TPM1: variants seen among roughly 807,000 people sequenced by gnomAD.
The protein encoded by TPM1 is tropomyosin 1.
A neutral mutation model predicts 42.9 loss-of-function variants in TPM1; 24 were observed. The observed-to-expected ratio is 0.56, with a 90% CI of 0.41 to 0.79. The LOEUF (loss-of-function observed/expected upper bound fraction) is 0.79. Among genes scored for constraint, TPM1 ranks in the 30% least tolerant of loss-of-function variants. The pLI is 0.00. For synonymous variants in TPM1, 136 were observed against 130.1 expected (o/e 1.05, Z -0.31); for missense variants, 158 against 351.8 (o/e 0.45, Z 4.41).
chr15:63,070,662 G>A (rs79829181), downstream of TPM1: 115 of 1,001,998 alleles, frequency 1.1e-4, no homozygotes, highest in African/African-American at 1.9e-3. Flanking sequence ...CTTTGCTTTT[G>A]TGAGTTTGTG....
intron 2 of TPM1, among the ~76,000 whole-genome samples, chr15:63,050,713 A>G (rs1264017397): frequency 6.6e-6 from 1 of 152,248 alleles, no homozygotes; most frequent in East Asian, 1.9e-4. Context: ...CAACTTGAAG[A>G]CTGGATCAGA....
chr15:63,059,757 G>A, intron 4 of TPM1, 77 bp downstream of exon 4: 7 of 1,052,768 alleles, frequency 6.6e-6, no homozygotes, highest in Non-Finnish European at 8.8e-6. Context: ...GTACAGTCTT[G>A]ATTCCCGAGT....
intron 5 of TPM1, 130 bp downstream of exon 5, chr15:63,061,069 T>C: frequency 1.4e-6 from 2 of 1,467,346 alleles, no homozygotes; most frequent in South Asian, 2.3e-5. Context: ...TTGATGTGGA[T>C]GAGCCACGAG....
At chr15:63,062,738 AC>A (rs1566968227) in intron 8 of TPM1, 93 bp downstream of exon 8, 3 of 1,602,490 alleles carry the variant, frequency 1.9e-6, no homozygotes, top group African/African-American at 2.7e-5. Flanking sequence ...CCACATTGAT[AC>A]GCTCCTTTGC....
intron 2 of TPM1, chr15:63,044,425 T>C (rs1480563989): frequency 4.9e-6 from 3 of 607,814 alleles, no homozygotes; most frequent in Non-Finnish European, 8.7e-6. Context: ...GCAGCTGAAA[T>C]TGGACTCTGG....
At chr15:63,042,991 G>A (rs760106927) in intron 1 of TPM1, 48 bp downstream of exon 1, 4 of 1,507,494 alleles carry the variant, frequency 2.7e-6, no homozygotes, top group Non-Finnish European at 3.6e-6. Flanking sequence ...GCCGGGACTC[G>A]AGCCTGGCAC....
chr15:63,055,348 C>T (rs1026234643), intron 2 of TPM1, among the ~76,000 whole-genome samples: 1 of 152,214 alleles, frequency 6.6e-6, no homozygotes, highest in African/African-American at 2.4e-5. Context: ...AGATGCCCTA[C>T]TCACCTCTCT....
downstream of TPM1, among the ~76,000 whole-genome samples, chr15:63,067,165 C>G (rs912676216): frequency 6.6e-6 from 1 of 152,004 alleles, no homozygotes; most frequent in African/African-American, 2.4e-5. Flanking sequence ...CCCGAGAGGG[C>G]TGATATACCA....
Position 63,056,871 on chromosome 15 carries a change from C to G in TPM1, c.241-114C>G. The G allele has an allele frequency of 3.5e-6, 5 of 1,425,174 alleles. No homozygotes were observed. In the South Asian group the frequency reaches 5.8e-5, roughly 16 times the overall value. 88.3% of individuals were successfully genotyped at this position (1,425,174 alleles called of 1,614,324 possible). ...GGGCTTGTAATGCACTTAAAGGTAG[C>G]TCACCACAAGACAGTCTTCCTATCT... On this transcript the variant is annotated intron_variant, in intron 2 of 9. Coordinates refer to ENST00000403994, the MANE Select transcript of TPM1 (RefSeq NM_001018005.2).
chr15:63,057,117 AG>A lies in TPM1; in HGVS notation c.374+1del. ...TGAGAAGGCAGCAGATGAGAGTGAG[AG>A]GTGAGAATGCCTCATCAGCCATCTT... Reference protein sequence around the residue: ...EAEKAADESERGMKVIESRAQ... With the variant: ...EAEKAADESEXGMKVIESRAQ... On this transcript the variant is annotated frameshift_variant and splice_region_variant, in exon 3 of 10. Transcript: ENST00000403994. LOFTEE classifies it high-confidence loss of function. 6.2e-7 allele frequency: 1 copy of A among 1,614,122 alleles called. No individual in the cohort carries two copies. The highest frequency in any genetic ancestry group is 1.7e-5 in the Admixed American group (1 of 60,028).
chr15:63,070,212 TTGAAC>T, downstream of TPM1: 1 of 1,241,376 alleles, frequency 8.1e-7, no homozygotes, highest in Non-Finnish European at 1.0e-6. Flanking sequence ...GTCCTCTTGT[TTGAAC>T]TGATAAATAA....
At chr15:63,066,202 CT>C, downstream of TPM1, 1 of 1,386,020 alleles carries the variant, frequency 7.2e-7, no homozygotes, top group Non-Finnish European at 9.3e-7. Flanking sequence ...TTGGCTGCTG[CT>C]TTTTCTTTTT....
chr15:63,064,211 C>T, intron 9 of TPM1, 69 bp downstream of exon 9: 1 of 1,573,532 alleles, frequency 6.4e-7, no homozygotes, highest in Middle Eastern at 1.7e-4. Context: ...CACCACCATG[C>T]CTTCCTTGCT....
At chr15:63,069,304 GACTT>G (rs1220063995), downstream of TPM1, among the ~76,000 whole-genome samples, 4 of 152,300 alleles carry the variant, frequency 2.6e-5, no homozygotes, top group Admixed American at 1.3e-4. Flanking sequence ...GAAGGACAGA[GACTT>G]AATTCCAAAT....
Position 63,065,962 on chromosome 15 carries a change from T to C in TPM1, c.*63T>C, listed in dbSNP as rs749572083. 49 of 1,595,330 alleles carry C rather than the reference T, an allele frequency of 3.1e-5. 1 individual carries two copies. The South Asian group carries it at 5.6e-4, about 18-fold the overall frequency. The stretch of plus-strand genomic sequence containing the variant: ...AGCTGGATGTCCCACCTCTCTGAGC[T>C]CTGCATTTGTCTATTCTCCAGCTGA... On this transcript the variant is annotated 3_prime_UTR_variant, in exon 10 of 10. Transcript: ENST00000403994.
intron 2 of TPM1, chr15:63,056,127 T>A (rs1357425389): frequency 6.6e-6 from 1 of 152,270 alleles, no homozygotes; most frequent in Non-Finnish European, 1.5e-5. Context: ...GGCCTTCATG[T>A]GGTGTGTATT....
At position 63,061,710 on chromosome 15, in the gene TPM1, T is replaced by G. The variant is rs1465601925; in HGVS notation, c.564-3T>G. ...CCTTTCTGCCTCTGATCGAAAACAT[T>G]AGCAAATGTGCCGAGCTTGAAGAAG... On this transcript the variant is annotated splice_region_variant and splice_polypyrimidine_tract_variant and intron_variant, in intron 5 of 9. Transcript: ENST00000403994. 2 of 1,614,072 alleles carry G rather than the reference T, an allele frequency of 1.2e-6. No homozygotes were observed. Among genetic ancestry groups the G allele is most frequent in the Non-Finnish European group, 1.7e-6 (2 of 1,179,946 alleles).
At chr15:63,069,874 A>G (rs2036508265), downstream of TPM1, 2 of 1,613,902 alleles carry the variant, frequency 1.2e-6, no homozygotes, top group Non-Finnish European at 8.5e-7. Context: ...GTACAGATCA[A>G]CTCTACCAGC....
chr15:63,070,214 G>A, downstream of TPM1: 1 of 1,235,210 alleles, frequency 8.1e-7, no homozygotes, highest in South Asian at 1.6e-5. Flanking sequence ...CCTCTTGTTT[G>A]AACTGATAAA....
Sources: gnomAD v4.1 joint callset for allele counts (sites outside exome capture counted in the v4.1 genomes callset) on GRCh38, gnomAD v4.1.1 for gene constraint, MANE v1.5 for transcripts, NCBI Gene and HGNC (gene_info 2026-07-23, HGNC 2026-07-21) for gene names.